RDH8: variants seen among roughly 807,000 people sequenced by gnomAD.
The protein encoded by RDH8 is retinol dehydrogenase 8, also known as photoreceptor outer segment all-trans retinol dehydrogenase.
A neutral mutation model predicts 22.3 loss-of-function variants in RDH8; 14 were observed. The ratio of observed to expected loss-of-function variants is 0.63; its 90% CI spans 0.42 to 0.98. The LOEUF (loss-of-function observed/expected upper bound fraction) is 0.98, where lower values mean the gene tolerates loss of function less well. Among genes scored for constraint, RDH8 ranks in the 50% least tolerant of loss-of-function variants. RDH8 has a pLI of 0.00. For synonymous variants in RDH8, 175 were observed against 171.7 expected (o/e 1.02, Z -0.15); for missense variants, 389 against 409.8 (o/e 0.95, Z 0.44).
intron 4 of RDH8, 56 bp downstream of exon 4, chr19:10,020,858 C>T (rs1243571693): frequency 2.4e-6 from 3 of 1,271,074 alleles, no homozygotes; most frequent in African/African-American, 1.5e-5. Flanking sequence ...GAGGTGGCAT[C>T]GAAAGGGGGA....
At chr19:10,021,179 A>T in intron 4 of RDH8, 76 bp from the exon 5 acceptor site, 7 of 1,461,728 alleles carry the variant, frequency 4.8e-6, no homozygotes, top group Non-Finnish European at 6.5e-6. Flanking sequence ...GTATCTTAAA[A>T]AAAAAAAAAA....
chr19:10,015,321 T>C (rs1175336807), intron 1 of RDH8, among the ~76,000 whole-genome samples: 1 of 150,182 alleles, frequency 6.7e-6, no homozygotes, highest in African/African-American at 2.5e-5. Context: ...GGCGTGGTGG[T>C]GGATGCCTGT....
At chr19:10,015,855 G>A (rs955605893) in intron 1 of RDH8, among the ~76,000 whole-genome samples, 3 of 151,938 alleles carry the variant, frequency 2.0e-5, no homozygotes, top group Admixed American at 6.6e-5. Context: ...GGGAGGCTGA[G>A]GCAGGGGAAT....
chr19:10,016,619 C>A (rs539651043), intron 1 of RDH8, among the ~76,000 whole-genome samples: 12 of 152,154 alleles, frequency 7.9e-5, no homozygotes, highest in Admixed American at 2.0e-4. Flanking sequence ...GGCCACCCAC[C>A]ACACCTGGCA....
At position 10,022,142 on chromosome 19, in the gene RDH8, C is replaced by G. The variant is rs964088601; in HGVS notation, c.*393C>G. 4.0e-5 allele frequency: 9 copies of G among 222,592 alleles called. No homozygotes were observed. In the East Asian group the frequency reaches 7.0e-4, roughly 17 times the overall value. 13.8% of individuals were successfully genotyped at this position (222,592 alleles called of 1,614,324 possible). On this transcript the variant is annotated 3_prime_UTR_variant, in exon 6 of 6. Coordinates refer to ENST00000591589, the MANE Select transcript of RDH8 (RefSeq NM_015725.4). Reference sequence around the variant, plus strand: ...CACAGGAATGATTCATAGCCCACCCCCCACCTCCATGCATACACCAGAGCT... The same window carrying G: ...CACAGGAATGATTCATAGCCCACCCGCCACCTCCATGCATACACCAGAGCT...
intron 1 of RDH8, among the ~76,000 whole-genome samples, 169 bp downstream of exon 1, chr19:10,013,769 G>T (rs1240613555): frequency 6.6e-6 from 1 of 152,138 alleles, no homozygotes; most frequent in Non-Finnish European, 1.5e-5. Flanking sequence ...TCTTCTGGGT[G>T]CTCTGAATGC....
At chr19:10,021,480 G>T in intron 5 of RDH8, 42 bp downstream of exon 5, 4 of 1,613,970 alleles carry the variant, frequency 2.5e-6, no homozygotes, top group Non-Finnish European at 3.4e-6. Flanking sequence ...GCTCAGGTAT[G>T]TTGCGGGGTG....
rs745627874 is a variant in RDH8, at chr19:10,020,720, A to G, written c.454A>G (p.Asn152Asp). ...SVMGLQGVIFNDVYAASKFAL... is the reference protein window; with the variant it reads ...SVMGLQGVIFDDVYAASKFAL... Reference sequence around the variant, plus strand: ...TCTGACCCTCACAGGTGTCATCTTCAACGATGTCTATGCAGCTTCCAAGTT... The same window carrying G: ...TCTGACCCTCACAGGTGTCATCTTCGACGATGTCTATGCAGCTTCCAAGTT... Residue 152 changes from asparagine to aspartate, a missense_variant, in exon 4 of 6, where the codon AAC becomes GAC. Coordinates refer to ENST00000591589, the MANE Select transcript of RDH8 (RefSeq NM_015725.4). 5 of 1,609,522 alleles carry G rather than the reference A, an allele frequency of 3.1e-6. No homozygotes were observed. Among genetic ancestry groups the G allele is most frequent in the Non-Finnish European group, 4.2e-6 (5 of 1,177,346 alleles).
chr19:10,019,072 G>A (rs1257138547), intron 3 of RDH8, among the ~76,000 whole-genome samples, 162 bp downstream of exon 3: 10 of 152,092 alleles, frequency 6.6e-5, no homozygotes, highest in Admixed American at 3.9e-4. Flanking sequence ...TGAGACGGGT[G>A]GATTGCCTGA....
chr19:10,018,944 C>A, intron 3 of RDH8, 34 bp downstream of exon 3: 1 of 1,553,578 alleles, frequency 6.4e-7, no homozygotes, highest in Non-Finnish European at 8.8e-7. Flanking sequence ...GGAAATCCCA[C>A]CAGTGTCTGA....
In RDH8 at chr19:10,020,366, A is replaced by AGGG. The variant is rs2087649047; in HGVS notation, c.443-343_443-342insGGG. Among the ~76,000 whole-genome samples, 7 of 91,380 alleles carry AGGG rather than the reference A, an allele frequency of 7.7e-5. 2 individuals carry two copies. The highest frequency in any genetic ancestry group is 2.7e-4 in the African/African-American group (7 of 26,128). 59.9% of individuals were successfully genotyped at this position (91,380 alleles called of 152,430 possible). A position where few individuals can be genotyped will look rare whatever the true frequency, so the allele number is the denominator to read the frequency against. ...GGAGGGAGGGAGGGAGGGAGGAAGG[A>AGGG]AGGAAGGGAGGGAGGAAGAGAGACA... On this transcript the variant is annotated intron_variant, in intron 3 of 5. Transcript: ENST00000591589.
intron 2 of RDH8, among the ~76,000 whole-genome samples, chr19:10,017,552 G>T (rs1338594541): frequency 6.6e-6 from 1 of 152,200 alleles, no homozygotes; most frequent in Non-Finnish European, 1.5e-5. Flanking sequence ...AGCTACTCGG[G>T]AGGCCAAGGT....
chr19:10,014,058 A>C (rs1398218871), intron 1 of RDH8, among the ~76,000 whole-genome samples: 1 of 152,066 alleles, frequency 6.6e-6, no homozygotes, highest in Non-Finnish European at 1.5e-5. Flanking sequence ...GCTTTTACTG[A>C]GATAAGCTTC....
intron 4 of RDH8, 104 bp downstream of exon 4, chr19:10,020,906 T>C: frequency 1.2e-6 from 1 of 848,496 alleles, no homozygotes; most frequent in South Asian, 1.5e-5. Context: ...GTGCAGTGGC[T>C]CACACCTGTA....
chr19:10,015,266 A>G (rs1454702166), intron 1 of RDH8, among the ~76,000 whole-genome samples: 1 of 151,964 alleles, frequency 6.6e-6, no homozygotes, highest in African/African-American at 2.4e-5. Context: ...AGCCTGGCCA[A>G]CATGGTGAAA....
rs1191843938 is a variant in RDH8, at chr19:10,021,418, A to C, written c.700A>C (p.Asn234His). 1.5e-5 allele frequency: 24 copies of C among 1,613,952 alleles called. No homozygotes were observed. The highest frequency in any genetic ancestry group is 1.9e-5 in the Non-Finnish European group (23 of 1,180,012). Residue 234 changes from asparagine (N) to histidine (H), a missense_variant, in exon 5 of 6, where the codon AAC (asparagine) becomes CAC (histidine). Asn to His is a moderately conservative substitution (Grantham distance 68, BLOSUM62 1). Coordinates refer to ENST00000591589, the MANE Select transcript of RDH8 (RefSeq NM_015725.4). Reference sequence around the variant, plus strand: ...GAAGCTGTTTTGCTCCGTGGGACAGAACCCACAGGACGTGGTTCAGGTGAG... The same window carrying C: ...GAAGCTGTTTTGCTCCGTGGGACAGCACCCACAGGACGTGGTTCAGGTGAG... ...SRKLFCSVGQNPQDVVQAIVN... is the reference protein window; with the variant it reads ...SRKLFCSVGQHPQDVVQAIVN...
rs531493454 is a variant in RDH8, at chr19:10,020,130, A to C, written c.443-579A>C. Among the ~76,000 whole-genome samples, 207 of 152,028 alleles carry C rather than the reference A, an allele frequency of 1.4e-3. 7 individuals are homozygous for C. The South Asian group carries it at 0.039, about 29-fold the overall frequency. On this transcript the variant is annotated intron_variant, in intron 3 of 5. Coordinates refer to ENST00000591589, the MANE Select transcript of RDH8 (RefSeq NM_015725.4). ...AGACTCCGTCTCCCCCCCGCCAAAA[A>C]AAAATTAAATTAAATAAAAAAATCA... is the stretch of plus-strand genomic sequence containing the variant.
intron 2 of RDH8, among the ~76,000 whole-genome samples, chr19:10,017,952 CA>C (rs1327506768): frequency 1.3e-5 from 2 of 151,072 alleles, no homozygotes; most frequent in African/African-American, 4.9e-5. Flanking sequence ...GGCCAAAAAT[CA>C]ATTTTTTTTG....
At chr19:10,013,734 T>C in intron 1 of RDH8, 134 bp downstream of exon 1, 1 of 854,634 alleles carries the variant, frequency 1.2e-6, no homozygotes, top group South Asian at 1.7e-5. Flanking sequence ...AATCATCCCC[T>C]CATCCTAGAA....
Sources: allele counts gnomAD v4.1 joint callset (sites outside exome capture counted in the v4.1 genomes callset), GRCh38; gene constraint gnomAD v4.1.1; transcripts MANE v1.5; gene names NCBI Gene and HGNC (gene_info 2026-07-23, HGNC 2026-07-21).